The following FANCC variants were observed in gnomAD, a reference collection of about 807,000 sequenced individuals.
FANCC encodes FA complementation group C, also known as Fanconi anemia group C protein.
A neutral mutation model predicts 71.3 loss-of-function variants in FANCC; 55 were observed. The ratio of observed to expected loss-of-function variants is 0.77; its 90% CI spans 0.62 to 0.97. The LOEUF (loss-of-function observed/expected upper bound fraction) is 0.97, where lower values mean the gene tolerates loss of function less well. FANCC is among the 50% of genes least tolerant of loss of function. The pLI, the probability that FANCC is intolerant of heterozygous loss-of-function variation, is 0.00. For missense variants in FANCC, 678 were observed against 670.9 expected (o/e 1.01, Z -0.12); for synonymous variants, 275 against 244.9 (o/e 1.12, Z -1.15).
chr9:95,226,596 T>C (rs1829635122), intron 4 of FANCC, among the ~76,000 whole-genome samples: 1 of 152,126 alleles, frequency 6.6e-6, no homozygotes, highest in Admixed American at 6.5e-5. Context: ...CTGTCATGGA[T>C]CCCACCACAT....
intron 7 of FANCC, among the ~76,000 whole-genome samples, chr9:95,139,517 C>G (rs1828260551): frequency 6.6e-6 from 1 of 152,050 alleles, no homozygotes; most frequent in South Asian, 2.1e-4. Context: ...CAGTGTGCAC[C>G]CACGGGGATG....
In FANCC at chr9:95,171,084, T is replaced by G. The variant is rs748322179; in HGVS notation, c.516A>C (p.Gln172His). 1.2e-6 allele frequency: 2 copies of G among 1,611,360 alleles called. No individual in the cohort carries two copies. The highest frequency in any genetic ancestry group is 1.7e-6 in the Non-Finnish European group (2 of 1,177,612). Residue 172 changes from glutamine to histidine, a missense_variant, in exon 6 of 15, where the codon CAA becomes CAC. Transcript: ENST00000289081. The part of the protein sequence containing the change: ...RENHLNGFNT[Q>H]RRMAPERVAS... ...ATGTTTAGTTTAACACCTACCGCCT[T>G]TGAGTGTTAAATCCATTAAGATGAT...
At position 95,232,557 on chromosome 9, in the gene FANCC, AT is replaced by A. The variant is rs528762310; in HGVS notation, c.345+8091del. On this transcript the variant is annotated intron_variant, in intron 4 of 14. Coordinates refer to ENST00000289081, the MANE Select transcript of FANCC (RefSeq NM_000136.3). ...TTCATAACATCCTTGAATAAATAAGATTTTTTTCTTGCAATTGTGTCCATGT... is the reference window on the plus strand; with the variant it reads ...TTCATAACATCCTTGAATAAATAAGATTTTTTCTTGCAATTGTGTCCATGT... Among the ~76,000 whole-genome samples the A allele has an allele frequency of 3.3e-5, 5 of 152,308 alleles. No homozygotes were observed. The South Asian group carries it at 1.0e-3, about 32-fold the overall frequency.
intron 3 of FANCC, among the ~76,000 whole-genome samples, chr9:95,242,378 A>C (rs1044958644): frequency 3.3e-5 from 5 of 151,826 alleles, no homozygotes; most frequent in Non-Finnish European, 7.4e-5. Context: ...TCATGTAGTA[A>C]GTGTGACAGA....
intron 7 of FANCC, among the ~76,000 whole-genome samples, chr9:95,147,479 G>A (rs1829721009): frequency 6.6e-6 from 1 of 152,132 alleles, no homozygotes; most frequent in Non-Finnish European, 1.5e-5. Flanking sequence ...TTGCACCACT[G>A]TACTCCAGCC....
chr9:95,219,545 G>A (rs991823260), intron 4 of FANCC, among the ~76,000 whole-genome samples: 2 of 151,948 alleles, frequency 1.3e-5, no homozygotes, highest in Non-Finnish European at 2.9e-5. Context: ...CCCTTCAAAG[G>A]AACGATATAA....
At chr9:95,160,378 T>C (rs1055073096) in intron 6 of FANCC, among the ~76,000 whole-genome samples, 3 of 152,164 alleles carry the variant, frequency 2.0e-5, no homozygotes, top group African/African-American at 7.2e-5. Context: ...TTCTGTTCCA[T>C]TGGTCTATAT....
intron 7 of FANCC, among the ~76,000 whole-genome samples, chr9:95,146,512 AT>A (rs1829572837): frequency 6.7e-6 from 1 of 149,820 alleles, no homozygotes; most frequent in Admixed American, 6.7e-5. Context: ...AAAAAAAAAA[AT>A]TGAAAACGTA....
chr9:95,196,080 T>A (rs1827437240), intron 4 of FANCC, among the ~76,000 whole-genome samples: 1 of 152,224 alleles, frequency 6.6e-6, no homozygotes, highest in South Asian at 2.1e-4. Context: ...TGGTTTTTCT[T>A]CCTTTACAAT....
intron 1 of FANCC, among the ~76,000 whole-genome samples, chr9:95,298,436 G>A (rs776586694): frequency 6.6e-6 from 1 of 152,180 alleles, no homozygotes; most frequent in Non-Finnish European, 1.5e-5. Flanking sequence ...TGAGGAAGAG[G>A]TTAGGAAACA....
At chr9:95,107,645 G>T (rs4647541) in intron 13 of FANCC, 3 of 389,442 alleles carry the variant, frequency 7.7e-6, no homozygotes, top group East Asian at 4.9e-5. Context: ...AAAGCCCCAC[G>T]CAGTCAGACC....
chr9:95,188,011 C>T (rs1475457664), intron 4 of FANCC, among the ~76,000 whole-genome samples: 3 of 151,210 alleles, frequency 2.0e-5, no homozygotes, highest in African/African-American at 7.2e-5. Context: ...TCATGTAAAT[C>T]GCCCGGCTAG....
At chr9:95,232,696 GA>G (rs1041532953) in intron 4 of FANCC, among the ~76,000 whole-genome samples, 1 of 152,082 alleles carries the variant, frequency 6.6e-6, no homozygotes, top group African/African-American at 2.4e-5. Flanking sequence ...AGCTCAAATA[GA>G]AAAGGAAAGA....
At chr9:95,169,234 T>A (rs1313999071) in intron 6 of FANCC, among the ~76,000 whole-genome samples, 5 of 152,106 alleles carry the variant, frequency 3.3e-5, no homozygotes, top group African/African-American at 2.4e-5. Flanking sequence ...AGGAAAAAAA[T>A]TTCTGTTAGT....
chr9:95,316,430 G>C (rs542282041), intron 1 of FANCC, among the ~76,000 whole-genome samples: 3 of 152,342 alleles, frequency 2.0e-5, no homozygotes, highest in South Asian at 2.1e-4. Context: ...CCTTTCAGGG[G>C]AGTAAGGAGA....
At chr9:95,108,866 A>C (rs1294088809) in intron 13 of FANCC, among the ~76,000 whole-genome samples, 1 of 151,794 alleles carries the variant, frequency 6.6e-6, no homozygotes, top group East Asian at 1.9e-4. Context: ...ATGTACTATA[A>C]GCAGTTCAGT....
chr9:95,253,085 C>T (rs1040975735), intron 1 of FANCC, among the ~76,000 whole-genome samples: 1 of 152,018 alleles, frequency 6.6e-6, no homozygotes, highest in Non-Finnish European at 1.5e-5. Context: ...AGGCAAACAA[C>T]CTTCGCTCAG....
chr9:95,211,134 G>T (rs1020660514), intron 4 of FANCC, among the ~76,000 whole-genome samples: 6 of 152,178 alleles, frequency 3.9e-5, no homozygotes, highest in Admixed American at 2.6e-4. Flanking sequence ...ACAACAGGCA[G>T]CACCAGACTG....
At chr9:95,297,987 A>T (rs1050646245) in intron 1 of FANCC, among the ~76,000 whole-genome samples, 1 of 152,208 alleles carries the variant, frequency 6.6e-6, no homozygotes, top group African/African-American at 2.4e-5. Flanking sequence ...AGCAAAGGTA[A>T]GTCACTGGAG....
Sources: gnomAD v4.1 joint callset for allele counts (sites outside exome capture counted in the v4.1 genomes callset) on GRCh38, gnomAD v4.1.1 for gene constraint, MANE v1.5 for transcripts, NCBI Gene and HGNC (gene_info 2026-07-23, HGNC 2026-07-21) for gene names.